CLSTN2: variants seen among roughly 807,000 people sequenced by gnomAD.
The protein encoded by CLSTN2 is calsyntenin 2.
CLSTN2 carries 48 observed loss-of-function variants against 101.2 expected under a neutral mutation model. The ratio of observed to expected loss-of-function variants is 0.47; its 90% CI spans 0.38 to 0.60. The LOEUF is 0.60. Ranked by LOEUF, CLSTN2 falls within the 20% of genes least tolerant of loss-of-function variation. The pLI is 0.00. For synonymous variants in CLSTN2, 481 were observed against 463.6 expected, an observed-to-expected ratio of 1.04 and a Z score of -0.48; for missense variants, 1,160 against 1,238.2, an observed-to-expected ratio of 0.94 and a Z score of 0.95.
rs140573103 is a variant in CLSTN2 at position 139,942,402 on chromosome 3, G to C, written c.109+6919G>C. ...CTCCTGCACCAGAAAGACTATCCCA[G>C]CTGGCTGGCCTTTGTACCGACAGTT... On this transcript the variant is annotated intron_variant, in intron 1 of 16. Coordinates refer to ENST00000458420, the MANE Select transcript of CLSTN2 (RefSeq NM_022131.3). 3.3e-5 allele frequency among the ~76,000 whole-genome samples: 5 copies of C among 152,254 alleles called. No homozygotes were observed. In the East Asian group the frequency reaches 5.8e-4, roughly 18 times the overall value.
intron 2 of CLSTN2, among the ~76,000 whole-genome samples, chr3:140,230,109 G>T (rs1039429846): frequency 3.9e-5 from 6 of 152,026 alleles, no homozygotes; most frequent in African/African-American, 1.2e-4. Flanking sequence ...TGCACAGCCA[G>T]CGGATGATTG....
At chr3:139,941,567 T>C (rs1307434613) in intron 1 of CLSTN2, among the ~76,000 whole-genome samples, 4 of 152,158 alleles carry the variant, frequency 2.6e-5, no homozygotes, top group African/African-American at 7.2e-5. Context: ...AAATCATAGA[T>C]TGTGCATCAC....
At chr3:140,037,076 G>A (rs539171493) in intron 1 of CLSTN2, among the ~76,000 whole-genome samples, 5 of 152,044 alleles carry the variant, frequency 3.3e-5, no homozygotes, top group Admixed American at 1.3e-4. Flanking sequence ...CACCAAGTTG[G>A]AATTATATAG....
intron 2 of CLSTN2, among the ~76,000 whole-genome samples, chr3:140,260,565 A>C (rs1448995221): frequency 6.6e-6 from 1 of 151,400 alleles, no homozygotes; most frequent in East Asian, 1.9e-4. Flanking sequence ...TCAGAGTTAT[A>C]GAAAAATTGA....
At chr3:140,440,441 G>A (rs1197309919) in intron 5 of CLSTN2, among the ~76,000 whole-genome samples, 1 of 152,168 alleles carries the variant, frequency 6.6e-6, no homozygotes, top group South Asian at 2.1e-4. Flanking sequence ...CAGAGAATTC[G>A]TGTTTTGTTT....
intron 1 of CLSTN2, among the ~76,000 whole-genome samples, chr3:139,944,655 A>T (rs1935187792): frequency 6.6e-6 from 1 of 152,206 alleles, no homozygotes; most frequent in African/African-American, 2.4e-5. Context: ...TCCAAGGCCC[A>T]GAGCAAATGC....
intron 2 of CLSTN2, among the ~76,000 whole-genome samples, chr3:140,259,211 G>A (rs1313025161): frequency 6.7e-6 from 1 of 149,984 alleles, no homozygotes; most frequent in Non-Finnish European, 1.5e-5. Context: ...GGTGGCTCAC[G>A]CTTGTAATCC....
intron 1 of CLSTN2, among the ~76,000 whole-genome samples, chr3:140,111,741 C>T (rs920605359): frequency 1.3e-5 from 2 of 152,106 alleles, no homozygotes; most frequent in African/African-American, 4.8e-5. Flanking sequence ...GTTGAAAAAA[C>T]AAGGTAAATA....
chr3:140,136,932 G>C (rs1327843656), intron 1 of CLSTN2, among the ~76,000 whole-genome samples: 1 of 152,192 alleles, frequency 6.6e-6, no homozygotes, highest in Non-Finnish European at 1.5e-5. Flanking sequence ...GCTGAAGTCA[G>C]TTTATAAATG....
chr3:140,555,609 C>T (rs1409945481), intron 10 of CLSTN2, among the ~76,000 whole-genome samples: 4 of 152,178 alleles, frequency 2.6e-5, no homozygotes, highest in Non-Finnish European at 5.9e-5. Flanking sequence ...CTATGTCTCC[C>T]TTTCCTGTGC....
At chr3:140,008,581 G>T (rs1248568627) in intron 1 of CLSTN2, among the ~76,000 whole-genome samples, 2 of 152,234 alleles carry the variant, frequency 1.3e-5, no homozygotes, top group Non-Finnish European at 2.9e-5. Context: ...CCGCCATTTG[G>T]CCAGCTCTCC....
intron 2 of CLSTN2, among the ~76,000 whole-genome samples, chr3:140,264,684 CATTGTCAAGAG>C (rs1246169625): frequency 6.6e-6 from 1 of 152,004 alleles, no homozygotes; most frequent in East Asian, 1.9e-4. Flanking sequence ...CATTGCCTTT[CATTGTCAAGAG>C]ATAATCTCAA....
Position 140,142,824 on chromosome 3 carries a change from C to G in CLSTN2, c.110-33127C>G, listed in dbSNP as rs920977825. Among the ~76,000 whole-genome samples, 4 of 152,238 alleles carry G rather than the reference C, an allele frequency of 2.6e-5. No individual in the cohort carries two copies. In the East Asian group the frequency reaches 7.7e-4, roughly 29 times the overall value. On this transcript the variant is annotated intron_variant, in intron 1 of 16. Transcript: ENST00000458420. Reference sequence around the variant, plus strand: ...TTTCCTTGGACTTCAGTTTGCCCAGCTGTAAAATTAGAATAACAGCACCTG... The same window carrying G: ...TTTCCTTGGACTTCAGTTTGCCCAGGTGTAAAATTAGAATAACAGCACCTG...
intron 4 of CLSTN2, among the ~76,000 whole-genome samples, chr3:140,419,702 T>C (rs569017422): frequency 1.5e-5 from 1 of 64,764 alleles, no homozygotes; most frequent in Non-Finnish European, 2.5e-5. Flanking sequence ...CGTATATGAA[T>C]ATGTATATAT....
intron 8 of CLSTN2, among the ~76,000 whole-genome samples, chr3:140,490,779 C>A (rs573296156): frequency 5.3e-4 from 81 of 152,200 alleles, no homozygotes; most frequent in African/African-American, 1.9e-3. Flanking sequence ...AGACCCCACA[C>A]CTCACAAAGG....
At chr3:140,384,067 GC>G (rs1347110463) in intron 2 of CLSTN2, among the ~76,000 whole-genome samples, 40 of 152,198 alleles carry the variant, frequency 2.6e-4, no homozygotes, top group African/African-American at 9.4e-4. Flanking sequence ...AAACTTGGAA[GC>G]AGCCAACCTT....
intron 5 of CLSTN2, among the ~76,000 whole-genome samples, chr3:140,426,883 G>C (rs75036323): frequency 0.016 from 2,452 of 152,170 alleles, 66 homozygotes; most frequent in African/African-American, 0.056. Flanking sequence ...ATCACTTAAA[G>C]AGAGAATGGG....
rs1362675255 is a variant in CLSTN2 at position 140,104,620 on chromosome 3, C to T, written c.110-71331C>T. On this transcript the variant is annotated intron_variant, in intron 1 of 16. Coordinates refer to ENST00000458420, the MANE Select transcript of CLSTN2 (RefSeq NM_022131.3). ...GTAGCTGTTCAGAATTAAAGGAAAA[C>T]TTAAGTCCAAGAGAAAGTGTCTAAA... is the stretch of plus-strand genomic sequence containing the variant. 1.2e-4 allele frequency among the ~76,000 whole-genome samples: 19 copies of T among 152,262 alleles called. 1 individual carries two copies. Among genetic ancestry groups the T allele is most frequent in the Admixed American group, 1.1e-3 (17 of 15,290 alleles).
intron 1 of CLSTN2, among the ~76,000 whole-genome samples, chr3:140,059,407 G>A (rs1452603243): frequency 2.0e-5 from 3 of 152,196 alleles, no homozygotes; most frequent in Non-Finnish European, 4.4e-5. Flanking sequence ...TGGAATGGGT[G>A]GCTCAGGGTG....
Sources: allele counts gnomAD v4.1 joint callset (sites outside exome capture counted in the v4.1 genomes callset), GRCh38; gene constraint gnomAD v4.1.1; transcripts MANE v1.5; gene names NCBI Gene and HGNC (gene_info 2026-07-23, HGNC 2026-07-21).